The following CREB5 variants were observed in gnomAD, a reference collection of about 807,000 sequenced individuals.
CREB5 encodes the protein cyclic AMP-responsive element-binding protein 5.
A neutral mutation model predicts 57.1 loss-of-function variants in CREB5; 19 were observed. The observed-to-expected ratio is 0.33, with a 90% CI of 0.23 to 0.49. The LOEUF (loss-of-function observed/expected upper bound fraction) is 0.49. CREB5 is among the 20% of genes least tolerant of loss of function. The pLI is 0.99. For synonymous variants in CREB5, 238 were observed against 238.3 expected (o/e 1.00, Z 0.01); for missense variants, 579 against 671.6 (o/e 0.86, Z 1.52).
chr7:28,374,532 T>C (rs910371188), intron 1 of CREB5, among the ~76,000 whole-genome samples: 19 of 152,308 alleles, frequency 1.2e-4, no homozygotes, highest in African/African-American at 4.3e-4. Flanking sequence ...AAACTACTGA[T>C]ACATGAAACA....
At chr7:28,784,748 G>A (rs966054133) in intron 7 of CREB5, among the ~76,000 whole-genome samples, 3 of 152,172 alleles carry the variant, frequency 2.0e-5, no homozygotes, top group African/African-American at 4.8e-5. Context: ...TGTGGTTGAT[G>A]AGCGAAACGA....
At chr7:28,656,508 G>C (rs1157925407) in intron 5 of CREB5, among the ~76,000 whole-genome samples, 1 of 152,148 alleles carries the variant, frequency 6.6e-6, no homozygotes, top group African/African-American at 2.4e-5. Context: ...GTTAAAATCA[G>C]ATTATTATCA....
intron 5 of CREB5, among the ~76,000 whole-genome samples, chr7:28,676,948 A>G (rs77456620): frequency 0.037 from 5,576 of 152,302 alleles, 265 homozygotes; most frequent in Admixed American, 0.13. Context: ...TGGAGACCAT[A>G]ATGCCATAGA....
chr7:28,681,849 G>A (rs776432011), intron 5 of CREB5, among the ~76,000 whole-genome samples: 11 of 152,238 alleles, frequency 7.2e-5, no homozygotes, highest in Non-Finnish European at 1.2e-4. Flanking sequence ...GAGTGTCAAC[G>A]GTCTTTCAGA....
At chr7:28,686,010 A>G in intron 5 of CREB5, 1 of 823,380 alleles carries the variant, frequency 1.2e-6, no homozygotes, top group Non-Finnish European at 1.9e-6. Context: ...GCCCAGCCGG[A>G]GGGAGAGCCA....
chr7:28,693,572 AG>A (rs1163341581), intron 5 of CREB5, among the ~76,000 whole-genome samples: 1 of 151,918 alleles, frequency 6.6e-6, no homozygotes, highest in Non-Finnish European at 1.5e-5. Context: ...TTGTGCAGAG[AG>A]GGGAAGCCTA....
At chr7:28,343,503 A>G (rs1287930276) in intron 1 of CREB5, among the ~76,000 whole-genome samples, 1 of 150,972 alleles carries the variant, frequency 6.6e-6, no homozygotes, top group African/African-American at 2.5e-5. Flanking sequence ...CCCTAGCTTC[A>G]TTCATATTAT....
At chr7:28,553,007 G>T (rs1794731679) in intron 4 of CREB5, among the ~76,000 whole-genome samples, 1 of 152,162 alleles carries the variant, frequency 6.6e-6, no homozygotes, top group Admixed American at 6.5e-5. Context: ...GCGCAATTCA[G>T]TTTTCTCTCC....
At chr7:28,353,614 C>A (rs917867617) in intron 1 of CREB5, among the ~76,000 whole-genome samples, 1 of 151,838 alleles carries the variant, frequency 6.6e-6, no homozygotes, top group African/African-American at 2.4e-5. Context: ...GAGGCCGAGG[C>A]GGGCAGATCA....
intron 4 of CREB5, among the ~76,000 whole-genome samples, chr7:28,516,774 G>A (rs541801063): frequency 9.2e-5 from 14 of 152,230 alleles, no homozygotes; most frequent in East Asian, 3.9e-4. Context: ...TGTTTAAATC[G>A]CTTCTTACCT....
chr7:28,340,711 G>C (rs1052869703), intron 1 of CREB5, among the ~76,000 whole-genome samples: 3 of 152,174 alleles, frequency 2.0e-5, no homozygotes, highest in Admixed American at 2.0e-4. Flanking sequence ...GACTTGCCTA[G>C]GAGTTGCAGT....
rs1157334734 is a variant in CREB5, at chr7:28,804,259, A to G, written c.763A>G (p.Met255Val). Reference protein sequence around the residue: ...AAMSNGNMNTMGHMMEMMGSR... With the variant: ...AAMSNGNMNTVGHMMEMMGSR... The stretch of plus-strand genomic sequence containing the variant: ...CATGTCAAATGGGAACATGAACACC[A>G]TGGGACACATGATGGAGATGATGGG... Residue 255 changes from methionine (M) to valine (V), a missense_variant, in exon 8 of 11, where the codon ATG (methionine) becomes GTG (valine). Met to Val is a conservative substitution (Grantham distance 21). Transcript: ENST00000357727. 3.1e-6 allele frequency: 5 copies of G among 1,614,048 alleles called. No homozygotes were observed. The African/African-American group carries it at 4.0e-5, about 13-fold the overall frequency.
At chr7:28,341,764 C>T (rs1785941996) in intron 1 of CREB5, among the ~76,000 whole-genome samples, 1 of 152,220 alleles carries the variant, frequency 6.6e-6, no homozygotes. Context: ...TAACAATTAG[C>T]ACTTTCTCTT....
chr7:28,451,786 G>C (rs959838940), intron 1 of CREB5, among the ~76,000 whole-genome samples: 2 of 152,028 alleles, frequency 1.3e-5, no homozygotes, highest in African/African-American at 4.8e-5. Flanking sequence ...CTGGGTCCTG[G>C]GAACTTAAAT....
At chr7:28,381,809 G>A (rs964567689) in intron 1 of CREB5, among the ~76,000 whole-genome samples, 1 of 152,190 alleles carries the variant, frequency 6.6e-6, no homozygotes, top group Non-Finnish European at 1.5e-5. Flanking sequence ...TAGTCGCTGA[G>A]TTTTGCTTAT....
chr7:28,738,650 CAG>C (rs1804171332), intron 7 of CREB5, among the ~76,000 whole-genome samples: 2 of 152,090 alleles, frequency 1.3e-5, no homozygotes, highest in South Asian at 2.1e-4. Context: ...GCTTAATGAC[CAG>C]AGAGTCTACA....
At chr7:28,392,706 C>T (rs1787246577) in intron 1 of CREB5, among the ~76,000 whole-genome samples, 1 of 152,142 alleles carries the variant, frequency 6.6e-6, no homozygotes, top group African/African-American at 2.4e-5. Flanking sequence ...GATAGTTCAT[C>T]TAGTCAAATC....
At chr7:28,554,418 G>A (rs1583619121) in intron 4 of CREB5, among the ~76,000 whole-genome samples, 1 of 152,186 alleles carries the variant, frequency 6.6e-6, no homozygotes, top group East Asian at 1.9e-4. Context: ...CTCCCAGCTT[G>A]CATCCAAGCC....
In CREB5 at chr7:28,824,669, T is replaced by G. The variant is rs934743636; in HGVS notation, c.*5390T>G. ...AAAAAGTGAATGTCCATTCAAAATA[T>G]TTTACTATTTCTTGTGGAGTTTTTC... is the stretch of plus-strand genomic sequence containing the variant. On this transcript the variant is annotated 3_prime_UTR_variant, in exon 11 of 11. Coordinates refer to ENST00000357727, the MANE Select transcript of CREB5 (RefSeq NM_182898.4). 1.3e-5 allele frequency: 2 copies of G among 152,636 alleles called. No homozygotes were observed. The highest frequency in any genetic ancestry group is 2.9e-5 in the Non-Finnish European group (2 of 68,030). 9.5% of individuals were successfully genotyped at this position (152,636 alleles called of 1,614,324 possible).
Sources: allele counts gnomAD v4.1 joint callset (sites outside exome capture counted in the v4.1 genomes callset), GRCh38; gene constraint gnomAD v4.1.1; transcripts MANE v1.5; gene names NCBI Gene and HGNC (gene_info 2026-07-23, HGNC 2026-07-21).